The following BMPR2 variants were observed in gnomAD, a reference collection of about 807,000 sequenced individuals.
The protein encoded by BMPR2 is bone morphogenetic protein receptor type 2, also known as bone morphogenetic protein receptor type-2.
A neutral mutation model predicts 100.8 loss-of-function variants in BMPR2; 29 were observed. The ratio of observed to expected loss-of-function variants is 0.29; its 90% confidence interval spans 0.21 to 0.39. The LOEUF is 0.39. BMPR2 is among the 10% of genes least tolerant of loss of function. The probability of loss-of-function intolerance (pLI) is 1.00; values close to 1 mark genes in which losing one functional copy is unlikely to be tolerated. For missense variants in BMPR2, 1,011 were observed against 1,274.5 expected, an observed-to-expected ratio of 0.79 and a Z score of 3.15; for synonymous variants, 382 against 442.3, an observed-to-expected ratio of 0.86 and a Z score of 1.71.
At chr2:202,454,676 AATGGACAAAACCAAAACATGATT>A (rs1692055912) in intron 1 of BMPR2, among the ~76,000 whole-genome samples, 1 of 152,184 alleles carries the variant, frequency 6.6e-6, no homozygotes, top group Non-Finnish European at 1.5e-5. Flanking sequence ...GTTGTGCTTT[AATGGACAAAACCAAAACATGATT>A]ACAATTTGAC....
intron 1 of BMPR2, among the ~76,000 whole-genome samples, chr2:202,427,679 T>C (rs1691416959): frequency 6.6e-6 from 1 of 152,132 alleles, no homozygotes; most frequent in African/African-American, 2.4e-5. Flanking sequence ...TGCACCATTA[T>C]AGGAAATACT....
At chr2:202,455,963 G>A (rs1186672956) in intron 1 of BMPR2, among the ~76,000 whole-genome samples, 1 of 147,708 alleles carries the variant, frequency 6.8e-6, no homozygotes, top group Non-Finnish European at 1.5e-5. Context: ...TACTTGGGAG[G>A]CTGAGGCAGG....
intron 1 of BMPR2, among the ~76,000 whole-genome samples, chr2:202,439,993 C>CGTA (rs1691699494): frequency 6.7e-6 from 1 of 150,128 alleles, no homozygotes; most frequent in African/African-American, 2.5e-5. Context: ...TCCATTTAAC[C>CGTA]CTGAGTGGAC....
chr2:202,507,325 C>T (rs1032142604), intron 3 of BMPR2, among the ~76,000 whole-genome samples: 1 of 152,136 alleles, frequency 6.6e-6, no homozygotes, highest in African/African-American at 2.4e-5. Flanking sequence ...AGTGTTTTGG[C>T]TTGTTACTAA....
rs373613446 is a variant in BMPR2, at chr2:202,524,286, C to T, written c.967+4085C>T. 5.2e-4 allele frequency among the ~76,000 whole-genome samples: 77 copies of T among 149,254 alleles called. 1 individual carries two copies. In the South Asian group the frequency reaches 0.016, roughly 31 times the overall value. ...CTGAGGCAGGAGAATGCCATGAACC[C>T]GGTACGCGGGGCTTGCAGTGAGCCG... On this transcript the variant is annotated intron_variant, in intron 7 of 12. Coordinates refer to ENST00000374580, the MANE Select transcript of BMPR2 (RefSeq NM_001204.7).
rs1005031738 is a variant in BMPR2 at position 202,503,891 on chromosome 2, C to T, written c.419-9828C>T. On this transcript the variant is annotated intron_variant, in intron 3 of 12. Transcript: ENST00000374580. The surrounding 1 kb of genome is among the most constrained non-coding windows in gnomAD (Gnocchi z 4.0). ...TCTAGCTCAGGGATTGTAAATACAC[C>T]AATAGGCACTCTGTATCTAGCTCAA... Among the ~76,000 whole-genome samples the T allele has an allele frequency of 6.6e-6, 1 of 152,150 alleles. No individual in the cohort carries two copies. Among genetic ancestry groups the T allele is most frequent in the African/African-American group, 2.4e-5 (1 of 41,430 alleles).
intron 1 of BMPR2, among the ~76,000 whole-genome samples, chr2:202,430,303 A>G (rs1162124408): frequency 6.6e-6 from 1 of 152,232 alleles, no homozygotes; most frequent in Non-Finnish European, 1.5e-5. Context: ...AGCAGTATGC[A>G]GTATTTGTTG....
chr2:202,502,458 G>GTCAGA, intron 3 of BMPR2, among the ~76,000 whole-genome samples: 2 of 152,030 alleles, frequency 1.3e-5, no homozygotes, highest in African/African-American at 4.8e-5. Context: ...AGACAAAGAA[G>GTCAGA]AAGTTGAAGA....
intron 1 of BMPR2, among the ~76,000 whole-genome samples, chr2:202,462,699 T>G (rs567316910): frequency 1.3e-4 from 19 of 151,952 alleles, no homozygotes; most frequent in African/African-American, 1.9e-4. Flanking sequence ...GGTTTTGTTT[T>G]TTGTTGTTGT....
intron 1 of BMPR2, among the ~76,000 whole-genome samples, chr2:202,405,317 A>T (rs557029786): frequency 1.2e-4 from 19 of 152,110 alleles, no homozygotes; most frequent in Middle Eastern, 6.8e-3. Flanking sequence ...AGACAGGAAA[A>T]GGTTGATTGT....
chr2:202,547,515 G>GCT (rs1293277882), intron 10 of BMPR2, among the ~76,000 whole-genome samples: 1 of 152,148 alleles, frequency 6.6e-6, no homozygotes, highest in East Asian at 1.9e-4. Flanking sequence ...AGGCACGGTG[G>GCT]CTCACGCCTG....
chr2:202,451,258 A>T (rs1245231958), intron 1 of BMPR2, among the ~76,000 whole-genome samples: 1 of 152,218 alleles, frequency 6.6e-6, no homozygotes, highest in Admixed American at 6.5e-5. Context: ...TATGCCTAGG[A>T]TTCTGTGACT....
At chr2:202,417,934 G>T (rs1312830785) in intron 1 of BMPR2, among the ~76,000 whole-genome samples, 9 of 151,328 alleles carry the variant, frequency 5.9e-5, no homozygotes, top group Non-Finnish European at 1.2e-4. Context: ...TAGCCAGGGT[G>T]GTCTTGATCT....
In BMPR2 at chr2:202,503,509, C is replaced by T. The variant is rs1687451332; in HGVS notation, c.419-10210C>T. On this transcript the variant is annotated intron_variant, in intron 3 of 12. Coordinates refer to ENST00000374580, the MANE Select transcript of BMPR2 (RefSeq NM_001204.7). The surrounding 1 kb of genome is among the most constrained non-coding windows in gnomAD (Gnocchi z 4.0). The stretch of plus-strand genomic sequence containing the variant: ...GCCCCGGGCAATGAGGGGCTTAGCA[C>T]CCAGGCCAGCAGCTGCGGAGGGTGT... Among the ~76,000 whole-genome samples, 1 of 152,248 alleles carries T rather than the reference C, an allele frequency of 6.6e-6. No individual in the cohort carries two copies. Among genetic ancestry groups the T allele is most frequent in the African/African-American group, 2.4e-5 (1 of 41,468 alleles).
chr2:202,536,808 G>T (rs114481762), intron 9 of BMPR2, among the ~76,000 whole-genome samples: 16,524 of 148,986 alleles, frequency 0.11, 1,043 homozygotes, highest in Admixed American at 0.14. Flanking sequence ...GGAGGCAGAG[G>T]TTGCAAGGCT....
chr2:202,546,642 C>T (rs1378756773), intron 10 of BMPR2, among the ~76,000 whole-genome samples: 2 of 152,152 alleles, frequency 1.3e-5, no homozygotes, highest in Non-Finnish European at 2.9e-5. Context: ...CTCGCTCTGT[C>T]ACTCAGGCTG....
At chr2:202,403,119 C>G (rs965339475) in intron 1 of BMPR2, among the ~76,000 whole-genome samples, 1 of 151,084 alleles carries the variant, frequency 6.6e-6, no homozygotes, top group Non-Finnish European at 1.5e-5. Context: ...TGAGCCACCG[C>G]GCCTGGCTGT....
intron 3 of BMPR2, among the ~76,000 whole-genome samples, chr2:202,511,986 G>A (rs1252244100): frequency 2.0e-5 from 3 of 150,250 alleles, no homozygotes; most frequent in African/African-American, 7.4e-5. Context: ...GCACCACTGA[G>A]CTCCAGCCTG....
chr2:202,382,915 A>T (rs1690332320), intron 1 of BMPR2, among the ~76,000 whole-genome samples: 1 of 152,226 alleles, frequency 6.6e-6, no homozygotes, highest in Non-Finnish European at 1.5e-5. Flanking sequence ...CGAGCCTGGG[A>T]ATCTGCCTTT....
Sources: gnomAD v4.1 joint callset for allele counts (sites outside exome capture counted in the v4.1 genomes callset) on GRCh38, gnomAD v4.1.1 for gene constraint, Gnocchi (gnomAD v3.1) non-coding constraint, MANE v1.5 for transcripts, NCBI Gene and HGNC (gene_info 2026-07-23, HGNC 2026-07-21) for gene names.